Variants in FANCA observed in about 807,000 individuals in gnomAD.
FANCA encodes FA complementation group A, also known as Fanconi anemia group A protein.
FANCA carries 236 observed loss-of-function variants against 194.3 expected under a neutral mutation model. The ratio of observed to expected loss-of-function variants is 1.21; its 90% CI spans 1.09 to 1.35. FANCA has a LOEUF of 1.35. Ranked by LOEUF, FANCA falls within the 40% of genes most tolerant of loss-of-function variation. The pLI is 0.00. For missense variants in FANCA, 2,628 were observed against 1,813.9 expected (o/e 1.45, Z -8.15); for synonymous variants, 1,014 against 715.8 (o/e 1.42, Z -6.65).
chr16:89,781,594 T>C (rs1235715521), intron 17 of FANCA, among the ~76,000 whole-genome samples: 2 of 148,580 alleles, frequency 1.3e-5, no homozygotes, highest in African/African-American at 2.5e-5. Flanking sequence ...GAGAATGGTG[T>C]GAACCCGGGA....
intron 30 of FANCA, among the ~76,000 whole-genome samples, chr16:89,755,166 G>T (rs1694367985): frequency 6.6e-6 from 1 of 151,826 alleles, no homozygotes; most frequent in African/African-American, 2.4e-5. Context: ...TGGGACAACT[G>T]CATGGCCACA....
Position 89,737,653 on chromosome 16 carries a change from C to A in FANCA, c.*948G>T. On this transcript the variant is annotated 3_prime_UTR_variant, in exon 43 of 43. Coordinates refer to ENST00000389301, the MANE Select transcript of FANCA (RefSeq NM_000135.4). ...AAAGCAGTTTAAAGATCTTAATAAA[C>A]GAGGCCCTCATAGGCCCCTTGCTTG... The A allele has an allele frequency of 1.4e-6, 2 of 1,423,138 alleles. No homozygotes were observed. The highest frequency in any genetic ancestry group is 2.4e-5 in the East Asian group (1 of 40,930). 88.2% of individuals were successfully genotyped at this position (1,423,138 alleles called of 1,614,324 possible).
Position 89,778,994 on chromosome 16 carries a change from C to G in FANCA, c.1725G>C (p.Arg575Ser). ...GGAAGTGGGACACGTAGTAAGGCCT[C>G]CTGAATATGCTGCAACACAGAGAAG... Reference protein sequence around the residue: ...PVTVMEASIFRRPYYVSHFLP... With the variant: ...PVTVMEASIFSRPYYVSHFLP... The change falls in exon 19 of 43, where the codon AGG becomes AGC. Residue 575 changes from arginine to serine, a missense_variant. Coordinates refer to ENST00000389301, the MANE Select transcript of FANCA (RefSeq NM_000135.4). 2 of 1,613,546 alleles carry G rather than the reference C, an allele frequency of 1.2e-6. No homozygotes were observed. Among genetic ancestry groups the G allele is most frequent in the Non-Finnish European group, 1.7e-6 (2 of 1,180,010 alleles).
At chr16:89,775,974 A>AAT (rs899977606) in intron 20 of FANCA, among the ~76,000 whole-genome samples, 159 bp from the exon 21 acceptor site, 1 of 151,700 alleles carries the variant, frequency 6.6e-6, no homozygotes, top group Admixed American at 6.6e-5. Flanking sequence ...AATATTAAAA[A>AAT]ATATATATAG....
intron 6 of FANCA, among the ~76,000 whole-genome samples, chr16:89,806,219 T>G (rs747686775): frequency 5.3e-5 from 8 of 152,232 alleles, no homozygotes; most frequent in Non-Finnish European, 1.2e-4. Context: ...GGCCTTGGCC[T>G]GAACCTTATG....
intron 30 of FANCA, 69 bp from the exon 31 acceptor site, chr16:89,752,291 C>G: frequency 7.9e-7 from 1 of 1,263,064 alleles, no homozygotes; most frequent in Non-Finnish European, 1.2e-6. Flanking sequence ...AGTTCTCCTC[C>G]TGCCTCCGGA....
chr16:89,747,355 A>G (rs940028957), intron 33 of FANCA, among the ~76,000 whole-genome samples: 1 of 152,192 alleles, frequency 6.6e-6, no homozygotes, highest in Non-Finnish European at 1.5e-5. Context: ...AGGAGACCAT[A>G]GTGATTTTCT....
chr16:89,775,385 G>C (rs3785276), intron 21 of FANCA, among the ~76,000 whole-genome samples: 61,650 of 152,104 alleles, frequency 0.41, 13,697 homozygotes, highest in East Asian at 0.75. Context: ...CCTACGACAG[G>C]CTCGAGCCAG....
chr16:89,769,214 C>T (rs1175672871), intron 26 of FANCA, among the ~76,000 whole-genome samples: 1 of 152,224 alleles, frequency 6.6e-6, no homozygotes, highest in Non-Finnish European at 1.5e-5. Context: ...GCCCAAGAGA[C>T]CAGAAGCTAC....
chr16:89,739,337 TAGC>T, intron 40 of FANCA, 48 bp from the exon 41 acceptor site: 2 of 1,610,824 alleles, frequency 1.2e-6, no homozygotes, highest in Non-Finnish European at 1.7e-6. Context: ...GCTGGAAAGG[TAGC>T]AGGTGATGCC....
intron 3 of FANCA, among the ~76,000 whole-genome samples, chr16:89,812,822 C>G (rs1417030682): frequency 6.6e-6 from 1 of 151,560 alleles, no homozygotes; most frequent in East Asian, 1.9e-4. Flanking sequence ...ATCACGAGGT[C>G]AGGAGTTTGA....
chr16:89,813,848 G>A (rs867502430), intron 3 of FANCA, among the ~76,000 whole-genome samples: 2 of 151,228 alleles, frequency 1.3e-5, no homozygotes, highest in Admixed American at 6.6e-5. Flanking sequence ...GTGCACGTGC[G>A]TGCATGTACT....
At chr16:89,743,030 G>A (rs570782450) in intron 36 of FANCA, 92 bp from the exon 37 acceptor site, 2 of 1,460,902 alleles carry the variant, frequency 1.4e-6, no homozygotes, top group African/African-American at 1.4e-5. Context: ...GTCACCTTTG[G>A]GGCCTGCCTT....
chr16:89,741,950 TTTTAATTTTTAC>T (rs1208303740), intron 37 of FANCA, among the ~76,000 whole-genome samples: 1 of 151,054 alleles, frequency 6.6e-6, no homozygotes, highest in East Asian at 2.0e-4. Flanking sequence ...CCCCCATCTC[TTTTAATTTTTAC>T]TTTAAACAAA....
rs545544088 is a variant in FANCA, at chr16:89,815,812, C to T, written c.189+65G>A. ...CGGGTGTTTTCTTAGGAAAGCTGTG[C>T]GGTGGCTGGACTCAAAAACCCCGAA... On this transcript the variant is annotated intron_variant, in intron 2 of 42. Transcript: ENST00000389301. 7 of 1,232,226 alleles carry T rather than the reference C, an allele frequency of 5.7e-6. No individual in the cohort carries two copies. In the African/African-American group the frequency reaches 8.9e-5, roughly 16 times the overall value. The allele number at this position is 1,232,226 out of a possible 1,614,324, so 76.3% of individuals were successfully genotyped here. A position where few individuals can be genotyped will look rare whatever the true frequency, so the allele number is the denominator to read the frequency against.
chr16:89,804,178 G>A (rs1341936968), intron 7 of FANCA, among the ~76,000 whole-genome samples: 1 of 152,156 alleles, frequency 6.6e-6, no homozygotes, highest in Non-Finnish European at 1.5e-5. Context: ...AGTCGCTCAT[G>A]CCACCAAAAA....
intron 5 of FANCA, among the ~76,000 whole-genome samples, chr16:89,809,686 C>T (rs1003392983): frequency 6.6e-6 from 1 of 151,892 alleles, no homozygotes; most frequent in Non-Finnish European, 1.5e-5. Context: ...CCCGTCTCTA[C>T]TAAAAATACA....
At chr16:89,808,067 AC>A (rs1259693300) in intron 6 of FANCA, among the ~76,000 whole-genome samples, 7,363 of 19,052 alleles carry the variant, frequency 0.39, 557 homozygotes, top group African/African-American at 0.49. Context: ...CAAAAAAAAA[AC>A]AGACAAAAAG....
intron 23 of FANCA, 24 bp downstream of exon 23, chr16:89,771,654 T>C: frequency 6.2e-7 from 1 of 1,613,774 alleles, no homozygotes; most frequent in East Asian, 2.2e-5. Context: ...GACCCCCTGC[T>C]TTGTTCTGAG....
Sources: allele counts gnomAD v4.1 joint callset (sites outside exome capture counted in the v4.1 genomes callset), GRCh38; gene constraint gnomAD v4.1.1; transcripts MANE v1.5; gene names NCBI Gene and HGNC (gene_info 2026-07-23, HGNC 2026-07-21).